SPOCK1: variants seen among roughly 807,000 people sequenced by gnomAD.
SPOCK1 encodes the protein SPARC (osteonectin), cwcv and kazal like domains proteoglycan 1.
A neutral mutation model predicts 55.3 loss-of-function variants in SPOCK1; 23 were observed. That is an observed-to-expected ratio of 0.42 (90% CI 0.30 to 0.59). SPOCK1 has a LOEUF of 0.59. Ranked by LOEUF, SPOCK1 falls within the 20% of genes least tolerant of loss-of-function variation. SPOCK1 has a pLI of 0.22. For missense variants in SPOCK1, 499 were observed against 552.5 expected (o/e 0.90, Z 0.97); for synonymous variants, 226 against 221.0 (o/e 1.02, Z -0.20).
chr5:137,194,190 A>T (rs1435869125), intron 3 of SPOCK1, among the ~76,000 whole-genome samples: 3 of 152,190 alleles, frequency 2.0e-5, no homozygotes, highest in Admixed American at 1.3e-4. Flanking sequence ...AGCCACTCCA[A>T]ACAGTATCAC....
intron 3 of SPOCK1, among the ~76,000 whole-genome samples, chr5:137,214,668 A>G (rs1160176100): frequency 6.6e-6 from 1 of 152,212 alleles, no homozygotes; most frequent in African/African-American, 2.4e-5. Flanking sequence ...AATACCTCAC[A>G]TACCAAGTGC....
At chr5:137,149,415 A>C (rs1754269127) in intron 3 of SPOCK1, among the ~76,000 whole-genome samples, 1 of 152,248 alleles carries the variant, frequency 6.6e-6, no homozygotes, top group Admixed American at 6.5e-5. Flanking sequence ...TTTCATTATA[A>C]TTGACATAAA....
At chr5:137,422,157 C>T (rs762777308) in intron 2 of SPOCK1, among the ~76,000 whole-genome samples, 6 of 152,180 alleles carry the variant, frequency 3.9e-5, no homozygotes, top group African/African-American at 9.7e-5. Flanking sequence ...GAGTTTCTGC[C>T]GAGAGATACG....
intron 2 of SPOCK1, among the ~76,000 whole-genome samples, chr5:137,283,294 A>G (rs139400409): frequency 6.6e-6 from 1 of 152,324 alleles, no homozygotes; most frequent in Non-Finnish European, 1.5e-5. Context: ...CTCAGCTCCC[A>G]GTTCACTCAC....
chr5:137,290,720 A>G (rs1240593710), intron 2 of SPOCK1, among the ~76,000 whole-genome samples: 2 of 152,354 alleles, frequency 1.3e-5, no homozygotes, highest in Admixed American at 1.3e-4. Context: ...TCTGAGCCAG[A>G]AAAAGGTATT....
chr5:137,298,262 T>C (rs757327942), intron 2 of SPOCK1, among the ~76,000 whole-genome samples: 2 of 152,162 alleles, frequency 1.3e-5, no homozygotes, highest in Admixed American at 6.5e-5. Context: ...GATACCAGAA[T>C]GGGGTCTCCT....
intron 6 of SPOCK1, among the ~76,000 whole-genome samples, chr5:137,002,494 AAATT>A (rs1189549708): frequency 6.6e-6 from 1 of 152,124 alleles, no homozygotes; most frequent in Non-Finnish European, 1.5e-5. Flanking sequence ...AAAAAAAAAA[AAATT>A]ATTGGATATG....
At chr5:137,357,616 T>C (rs1750846307) in intron 2 of SPOCK1, among the ~76,000 whole-genome samples, 1 of 152,082 alleles carries the variant, frequency 6.6e-6, no homozygotes, top group African/African-American at 2.4e-5. Context: ...CACATGCACA[T>C]ATGGGGAACG....
intron 3 of SPOCK1, among the ~76,000 whole-genome samples, chr5:137,196,499 T>A (rs1580802301): frequency 6.6e-6 from 1 of 152,172 alleles, no homozygotes; most frequent in African/African-American, 2.4e-5. Context: ...TTTGACCCCC[T>A]CCCATCCACT....
Position 136,977,477 on chromosome 5 carries a change from A to C in SPOCK1, c.*1177T>G. ...GCCCTTATCATGATTTGTCAGTAGA[A>C]AGGGAGTAAAAGCAAAACATTGAGT... On this transcript the variant is annotated 3_prime_UTR_variant, in exon 11 of 11. Transcript: ENST00000394945. 1 of 229,142 alleles carries C rather than the reference A, an allele frequency of 4.4e-6. No homozygotes were observed. The highest frequency in any genetic ancestry group is 8.4e-6 in the Non-Finnish European group (1 of 118,966). The allele number at this position is 229,142 out of a possible 1,614,324, so 14.2% of individuals were successfully genotyped here.
intron 2 of SPOCK1, among the ~76,000 whole-genome samples, chr5:137,381,603 T>C (rs887982896): frequency 6.6e-6 from 1 of 152,204 alleles, no homozygotes; most frequent in Non-Finnish European, 1.5e-5. Context: ...TGCTTAGGGA[T>C]TGCACCCTCT....
At chr5:137,374,944 T>C (rs1052620636) in intron 2 of SPOCK1, among the ~76,000 whole-genome samples, 1 of 152,054 alleles carries the variant, frequency 6.6e-6, no homozygotes, top group Non-Finnish European at 1.5e-5. Flanking sequence ...GGCCATCCTA[T>C]AGGGATAAGA....
At chr5:137,137,491 G>C (rs1754006875) in intron 4 of SPOCK1, among the ~76,000 whole-genome samples, 1 of 152,172 alleles carries the variant, frequency 6.6e-6, no homozygotes, top group South Asian at 2.1e-4. Flanking sequence ...GACAAGGAAG[G>C]CTGGACATAA....
chr5:136,992,777 AAGAG>A lies in SPOCK1; in HGVS notation c.590-181_590-178del, dbSNP rs1750973248. On this transcript the variant is annotated intron_variant, in intron 6 of 10. Transcript: ENST00000394945. ...TAGTACAAACAAAGAGTGGGACAAAAAGAGAGCCTAGACCCCCAGGGCAAGCAGC... is the reference window on the plus strand; with the variant it reads ...TAGTACAAACAAAGAGTGGGACAAAAAGCCTAGACCCCCAGGGCAAGCAGC... 9.9e-6 allele frequency: 5 copies of A among 504,058 alleles called. No individual in the cohort carries two copies. In the East Asian group the frequency reaches 1.6e-4, roughly 17 times the overall value. 31.2% of individuals were successfully genotyped at this position (504,058 alleles called of 1,614,324 possible).
At chr5:137,100,549 C>T (rs1196873867) in intron 5 of SPOCK1, among the ~76,000 whole-genome samples, 1 of 152,196 alleles carries the variant, frequency 6.6e-6, no homozygotes, top group African/African-American at 2.4e-5. Context: ...CAAAGAAATA[C>T]TTCTAATGAG....
chr5:137,279,933 G>A (rs543936923), intron 2 of SPOCK1, among the ~76,000 whole-genome samples: 4 of 152,320 alleles, frequency 2.6e-5, no homozygotes, highest in African/African-American at 9.6e-5. Context: ...GAGACATGCT[G>A]AGAGCTTGCT....
chr5:137,163,739 C>T (rs759770793), intron 3 of SPOCK1, among the ~76,000 whole-genome samples: 6 of 152,154 alleles, frequency 3.9e-5, no homozygotes, highest in Admixed American at 1.3e-4. Context: ...CAGGCTAGAT[C>T]GCGCAAAGAT....
intron 7 of SPOCK1, among the ~76,000 whole-genome samples, chr5:136,991,798 G>A (rs1308413896): frequency 6.6e-6 from 1 of 152,180 alleles, no homozygotes; most frequent in Non-Finnish European, 1.5e-5. Flanking sequence ...GCAAATGTGA[G>A]GACCCACTCT....
intron 2 of SPOCK1, among the ~76,000 whole-genome samples, chr5:137,376,800 TA>T (rs1751329394): frequency 6.6e-6 from 1 of 152,038 alleles, no homozygotes. Flanking sequence ...TATAGATGCA[TA>T]GAAAAAAAGA....
Sources: gnomAD v4.1 joint callset for allele counts (sites outside exome capture counted in the v4.1 genomes callset) on GRCh38, gnomAD v4.1.1 for gene constraint, MANE v1.5 for transcripts, NCBI Gene and HGNC (gene_info 2026-07-23, HGNC 2026-07-21) for gene names.